The following PSMD1 variants were observed in gnomAD, a reference collection of about 807,000 sequenced individuals.
The protein encoded by PSMD1 is proteasome 26S subunit, non-ATPase 1.
Under a neutral mutation model 119.0 loss-of-function variants are expected in PSMD1, and 18 were observed. That is an observed-to-expected ratio of 0.15 (90% CI 0.10 to 0.22). The LOEUF is 0.22. Ranked by LOEUF, PSMD1 falls within the 10% of genes least tolerant of loss-of-function variation. The pLI, the probability that PSMD1 is intolerant of heterozygous loss-of-function variation, is 1.00. For missense variants in PSMD1, 702 were observed against 1,158.5 expected, an observed-to-expected ratio of 0.61 and a Z score of 5.72; for synonymous variants, 374 against 396.6, an observed-to-expected ratio of 0.94 and a Z score of 0.68.
chr2:231,058,339 C>T (rs12617646), intron 1 of PSMD1, among the ~76,000 whole-genome samples: 69,938 of 152,012 alleles, frequency 0.46, 18,178 homozygotes, highest in African/African-American at 0.7. Context: ...TCGACCATTA[C>T]CTCCGTACAG....
intron 19 of PSMD1, among the ~76,000 whole-genome samples, 169 bp downstream of exon 19, chr2:231,153,835 C>T (rs986970554): frequency 6.6e-5 from 10 of 152,106 alleles, no homozygotes; most frequent in African/African-American, 1.9e-4. Context: ...GAGTACAGGC[C>T]GGGCGCAATG....
intron 5 of PSMD1, among the ~76,000 whole-genome samples, chr2:231,069,120 G>A (rs1693975613): frequency 6.6e-6 from 1 of 151,698 alleles, no homozygotes; most frequent in African/African-American, 2.4e-5. Flanking sequence ...ACACTTCATT[G>A]GGGAATCTAG....
chr2:231,079,660 T>G (rs778819166), intron 11 of PSMD1, 46 bp downstream of exon 11: 3 of 1,213,502 alleles, frequency 2.5e-6, no homozygotes, highest in Non-Finnish European at 3.4e-6. Flanking sequence ...AAAGAAGTAA[T>G]TTTTCTGGGG....
chr2:231,148,435 T>C (rs1324326975), intron 18 of PSMD1, among the ~76,000 whole-genome samples: 1 of 152,112 alleles, frequency 6.6e-6, no homozygotes, highest in Admixed American at 6.5e-5. Context: ...AATGGCAGAG[T>C]CCTTTAGGAG....
chr2:231,087,129 AATG>A lies in PSMD1; in HGVS notation c.1838_1840del (p.Asp613del). 6.2e-7 allele frequency: 1 copy of A among 1,613,632 alleles called. No individual in the cohort carries two copies. The highest frequency in any genetic ancestry group is 8.5e-7 in the Non-Finnish European group (1 of 1,179,746). On this transcript the variant is annotated inframe_deletion, in exon 16 of 25. Transcript: ENST00000308696. ...CTTTTCCCCCTAGGTAAGTGATGTT[AATG>A]ATGATGTCAGGAGGGCAGCAGTAGA...
Position 231,153,572 on chromosome 2 carries a change from G to T in PSMD1, c.2124G>T (p.Gln708His). ...QTEITCPKVNQFRQLYSKVIN... is the reference protein window; with the variant it reads ...QTEITCPKVNHFRQLYSKVIN... The stretch of plus-strand genomic sequence containing the variant: ...TTCTCTTGCTCCTTCAGGTGAATCA[G>T]TTCAGACAGCTGTATTCCAAAGTCA... Residue 708 changes from glutamine (Q) to histidine (H), a missense_variant, in exon 19 of 25, where the codon CAG (glutamine) becomes CAT (histidine). By Grantham distance (24) the Gln-to-His change is conservative (BLOSUM62 0). Around this residue, in one of 9 missense-constraint regions of PSMD1, gnomAD observed 272 missense variants for 511.6 expected, o/e 0.53. Transcript: ENST00000308696. 1 of 1,611,202 alleles carries T rather than the reference G, an allele frequency of 6.2e-7. No individual in the cohort carries two copies. The highest frequency in any genetic ancestry group is 8.5e-7 in the Non-Finnish European group (1 of 1,178,006).
intron 16 of PSMD1, among the ~76,000 whole-genome samples, chr2:231,106,806 A>G (rs1188014764): frequency 6.6e-6 from 1 of 152,140 alleles, no homozygotes; most frequent in Non-Finnish European, 1.5e-5. Context: ...GAGTTTTGGC[A>G]ATGTGATTGC....
intron 16 of PSMD1, chr2:231,108,594 A>C (rs760677931): frequency 6.2e-7 from 1 of 1,614,004 alleles, no homozygotes; most frequent in Non-Finnish European, 8.5e-7. Flanking sequence ...AGAATGATTG[A>C]TGAAGACTGA....
Position 231,123,457 on chromosome 2 carries a change from A to G in PSMD1, c.1884-15279A>G, listed in dbSNP as rs762471906. On this transcript the variant is annotated intron_variant, in intron 16 of 24. Coordinates refer to ENST00000308696, the MANE Select transcript of PSMD1 (RefSeq NM_002807.4). Reference sequence around the variant, plus strand: ...GGCAATTGGCATCACAAACAATCCAACCAGCAAATCAGCCACCGCCAAGGA... The same window carrying G: ...GGCAATTGGCATCACAAACAATCCAGCCAGCAAATCAGCCACCGCCAAGGA... 6.8e-6 allele frequency: 11 copies of G among 1,614,094 alleles called. No homozygotes were observed. In the Admixed American group the frequency reaches 1.3e-4, roughly 20 times the overall value.
At position 231,082,866 on chromosome 2, in the gene PSMD1, CTA is replaced by C. The variant is rs1209587155; in HGVS notation, c.1414-15_1414-14del. 2 of 1,581,308 alleles carry C rather than the reference CTA, an allele frequency of 1.3e-6. No individual in the cohort carries two copies. Among genetic ancestry groups the C allele is most frequent in the Non-Finnish European group, 1.7e-6 (2 of 1,151,064 alleles). On this transcript the variant is annotated splice_polypyrimidine_tract_variant and intron_variant, in intron 12 of 24. Coordinates refer to ENST00000308696, the MANE Select transcript of PSMD1 (RefSeq NM_002807.4). ...GTACAGTGTACCAAATCAATGGAATCTATGTTTTTTCCTTAGATCGTTAGACA... is the reference window on the plus strand; with the variant it reads ...GTACAGTGTACCAAATCAATGGAATCTGTTTTTTCCTTAGATCGTTAGACA...
chr2:231,062,356 G>A (rs762841397), intron 3 of PSMD1, 35 bp downstream of exon 3: 22 of 1,550,774 alleles, frequency 1.4e-5, no homozygotes, highest in Admixed American at 3.4e-5. Flanking sequence ...GAATAAGATG[G>A]ATCAAATTTA....
chr2:231,062,802 TATA>T lies in PSMD1; in HGVS notation c.304+133_304+135del, dbSNP rs1693792663. On this transcript the variant is annotated intron_variant, in intron 4 of 24. Coordinates refer to ENST00000308696, the MANE Select transcript of PSMD1 (RefSeq NM_002807.4). ...TTTAATTGGAAGTTCCTAATCTTTC[TATA>T]ATAATTTTATGCAGGCTGAGTTTTT... 4 of 802,502 alleles carry T rather than the reference TATA, an allele frequency of 5.0e-6. No homozygotes were observed. The East Asian group carries it at 1.2e-4, about 24-fold the overall frequency. The allele number at this position is 802,502 out of a possible 1,614,324, so 49.7% of individuals were successfully genotyped here.
At chr2:231,067,442 G>A (rs1474485692) in intron 5 of PSMD1, among the ~76,000 whole-genome samples, 17 of 152,126 alleles carry the variant, frequency 1.1e-4, no homozygotes, top group Non-Finnish European at 2.2e-4. Flanking sequence ...CTGGTTTGCG[G>A]TGTTTGCAAT....
chr2:231,129,362 T>C (rs1197616099), intron 16 of PSMD1, among the ~76,000 whole-genome samples: 1 of 152,180 alleles, frequency 6.6e-6, no homozygotes, highest in Non-Finnish European at 1.5e-5. Context: ...AGGAATGCAA[T>C]CTGAGATTTT....
intron 19 of PSMD1, among the ~76,000 whole-genome samples, chr2:231,157,470 T>G (rs1394559241): frequency 6.6e-6 from 1 of 151,080 alleles, no homozygotes; most frequent in Admixed American, 6.6e-5. Flanking sequence ...TGTTTGGGGC[T>G]TTTTTACTTT....
At chr2:231,096,037 G>A (rs182975865) in intron 16 of PSMD1, among the ~76,000 whole-genome samples, 8 of 152,274 alleles carry the variant, frequency 5.3e-5, no homozygotes, top group African/African-American at 1.7e-4. Context: ...AATAACAGTG[G>A]CCATTATTAG....
intron 16 of PSMD1, among the ~76,000 whole-genome samples, chr2:231,118,236 T>C (rs60707561): frequency 0.035 from 5,363 of 152,216 alleles, 112 homozygotes; most frequent in East Asian, 0.11. Context: ...CAATAAATGT[T>C]AGTGCTTATT....
intron 18 of PSMD1, among the ~76,000 whole-genome samples, chr2:231,150,937 G>A (rs1574771939): frequency 1.3e-5 from 2 of 152,148 alleles, no homozygotes; most frequent in African/African-American, 4.8e-5. Flanking sequence ...GAACTTTATT[G>A]CTTTCTCCCT....
intron 16 of PSMD1, among the ~76,000 whole-genome samples, chr2:231,110,332 C>A (rs1007385980): frequency 5.3e-4 from 80 of 152,126 alleles, no homozygotes; most frequent in African/African-American, 1.6e-3. Context: ...AAAAAAAGTT[C>A]TTTTATGACC....
Sources: gnomAD v4.1 joint callset for allele counts (sites outside exome capture counted in the v4.1 genomes callset) on GRCh38, gnomAD v4.1.1 for gene constraint, gnomAD v4.1.1 regional missense constraint, MANE v1.5 for transcripts, NCBI Gene and HGNC (gene_info 2026-07-23, HGNC 2026-07-21) for gene names.